The following ATXN7L1 variants were observed in gnomAD, a reference collection of about 807,000 sequenced individuals.
ATXN7L1 encodes the protein ataxin 7 like 1, also known as ataxin-7-like protein 1.
ATXN7L1 carries 15 observed loss-of-function variants against 70.8 expected under a neutral mutation model. The observed-to-expected ratio is 0.21, with a 90% CI of 0.14 to 0.33. The LOEUF is 0.33. Ranked by LOEUF, ATXN7L1 falls within the 10% of genes least tolerant of loss-of-function variation. The probability of loss-of-function intolerance (pLI) is 1.00; values close to 1 mark genes in which losing one functional copy is unlikely to be tolerated. For missense variants in ATXN7L1, 975 were observed against 1,097.1 expected (o/e 0.89, Z 1.57); for synonymous variants, 440 against 445.1 (o/e 0.99, Z 0.14).
chr7:105,761,082 A>G (rs1368068058), intron 3 of ATXN7L1: 2 of 894,336 alleles, frequency 2.2e-6, no homozygotes, highest in African/African-American at 3.5e-5. Context: ...CAAGAGTGGA[A>G]GCAGGAACAG....
chr7:105,804,375 T>A (rs1319764771), intron 2 of ATXN7L1, among the ~76,000 whole-genome samples: 1 of 152,176 alleles, frequency 6.6e-6, no homozygotes, highest in African/African-American at 2.4e-5. Context: ...AGAGCCAGCA[T>A]AACCCACCCT....
At chr7:105,850,003 C>T (rs545694863) in intron 2 of ATXN7L1, among the ~76,000 whole-genome samples, 1 of 152,322 alleles carries the variant, frequency 6.6e-6, no homozygotes, top group African/African-American at 2.4e-5. Flanking sequence ...GCACTCACCC[C>T]CACTTCCATT....
intron 3 of ATXN7L1, among the ~76,000 whole-genome samples, chr7:105,739,815 T>C (rs1296270712): frequency 6.6e-6 from 1 of 152,192 alleles, no homozygotes; most frequent in African/African-American, 2.4e-5. Context: ...TGGGGATCAG[T>C]CGGCAACATG....
intron 3 of ATXN7L1, among the ~76,000 whole-genome samples, chr7:105,726,360 A>T (rs1278428159): frequency 6.6e-6 from 1 of 152,138 alleles, no homozygotes; most frequent in Non-Finnish European, 1.5e-5. Flanking sequence ...TGTTCACCTT[A>T]TTTTAGGATG....
chr7:105,680,841 G>C (rs1805453946), intron 3 of ATXN7L1, among the ~76,000 whole-genome samples: 1 of 152,206 alleles, frequency 6.6e-6, no homozygotes, highest in South Asian at 2.1e-4. Flanking sequence ...TCTGCAAAGA[G>C]TTTCAGGATG....
At chr7:105,767,239 G>C (rs968382415) in intron 3 of ATXN7L1, among the ~76,000 whole-genome samples, 13 of 152,128 alleles carry the variant, frequency 8.5e-5, no homozygotes, top group African/African-American at 3.1e-4. Context: ...TGGGGACACA[G>C]AAGCCCCCAA....
chr7:105,721,907 T>A (rs555543633), intron 3 of ATXN7L1, among the ~76,000 whole-genome samples: 41 of 152,352 alleles, frequency 2.7e-4, no homozygotes, highest in Admixed American at 1.1e-3. Context: ...CTAATTGAAA[T>A]ACAATGGGGT....
At chr7:105,807,796 G>A (rs1471851175) in intron 2 of ATXN7L1, among the ~76,000 whole-genome samples, 1 of 152,202 alleles carries the variant, frequency 6.6e-6, no homozygotes, top group African/African-American at 2.4e-5. Flanking sequence ...ACAGGTGAGG[G>A]AGGGCCTCTT....
intron 2 of ATXN7L1, among the ~76,000 whole-genome samples, chr7:105,793,226 G>C (rs1805511359): frequency 6.6e-6 from 1 of 152,336 alleles, no homozygotes; most frequent in East Asian, 1.9e-4. Flanking sequence ...CACTGGCCTG[G>C]GGTCAGAAGG....
At chr7:105,671,322 T>G (rs1045323721) in intron 3 of ATXN7L1, among the ~76,000 whole-genome samples, 1 of 151,990 alleles carries the variant, frequency 6.6e-6, no homozygotes, top group Non-Finnish European at 1.5e-5. Flanking sequence ...GATTCAGAAT[T>G]ATTTCCTTGA....
intron 3 of ATXN7L1, among the ~76,000 whole-genome samples, chr7:105,679,646 G>T (rs1035630920): frequency 4.5e-4 from 69 of 152,246 alleles, no homozygotes; most frequent in African/African-American, 1.5e-3. Flanking sequence ...CTTGGCCAAG[G>T]ACAGTAGATT....
chr7:105,616,677 T>C (rs1793943608), intron 9 of ATXN7L1, among the ~76,000 whole-genome samples: 1 of 152,194 alleles, frequency 6.6e-6, no homozygotes, highest in South Asian at 2.1e-4. Flanking sequence ...CATACCCATA[T>C]TGTCAGGAAC....
At chr7:105,754,128 G>C (rs1326864846) in intron 3 of ATXN7L1, among the ~76,000 whole-genome samples, 1 of 152,224 alleles carries the variant, frequency 6.6e-6, no homozygotes, top group Non-Finnish European at 1.5e-5. Flanking sequence ...ATAGACTGCG[G>C]TAAGAGCTCT....
chr7:105,607,543 A>G lies in ATXN7L1; in HGVS notation c.*309T>C. The G allele has an allele frequency of 2.4e-6, 1 of 424,136 alleles. No individual in the cohort carries two copies. The highest frequency in any genetic ancestry group is 3.1e-5 in the South Asian group (1 of 31,866). The allele number at this position is 424,136 out of a possible 1,614,324, so 26.3% of individuals were successfully genotyped here. ...CTCATGGCTGGAGCAAAAGGATGGT[A>G]CAGTAGCAGCATCAGGAGCTAGGGG... On this transcript the variant is annotated 3_prime_UTR_variant, in exon 12 of 12. Coordinates refer to ENST00000419735, the MANE Select transcript of ATXN7L1 (RefSeq NM_020725.2).
chr7:105,686,434 T>C (rs1302780415), intron 3 of ATXN7L1, among the ~76,000 whole-genome samples: 1 of 152,184 alleles, frequency 6.6e-6, no homozygotes, highest in Non-Finnish European at 1.5e-5. Context: ...GAGAATCCCT[T>C]GAACCCAGGA....
At chr7:105,663,332 G>T (rs1402832196) in intron 4 of ATXN7L1, among the ~76,000 whole-genome samples, 1 of 152,164 alleles carries the variant, frequency 6.6e-6, no homozygotes, top group African/African-American at 2.4e-5. Context: ...CCACAGCCAT[G>T]CCTACACCTT....
intron 2 of ATXN7L1, among the ~76,000 whole-genome samples, chr7:105,862,089 C>A (rs1200327477): frequency 1.3e-5 from 2 of 152,170 alleles, no homozygotes; most frequent in African/African-American, 4.8e-5. Context: ...GGGGACTTGG[C>A]TAACAGGGCT....
intron 7 of ATXN7L1, among the ~76,000 whole-genome samples, chr7:105,631,880 A>G (rs770409861): frequency 1.3e-5 from 2 of 152,258 alleles, no homozygotes; most frequent in Non-Finnish European, 2.9e-5. Context: ...AGTGAGGCAC[A>G]GGGCTGGACA....
At chr7:105,717,853 C>A (rs1423093094) in intron 3 of ATXN7L1, among the ~76,000 whole-genome samples, 3 of 152,136 alleles carry the variant, frequency 2.0e-5, no homozygotes, top group African/African-American at 7.2e-5. Flanking sequence ...TCAATGTTTT[C>A]ACTTGAGTTT....
Sources: allele counts gnomAD v4.1 joint callset (sites outside exome capture counted in the v4.1 genomes callset), GRCh38; gene constraint gnomAD v4.1.1; transcripts MANE v1.5; gene names NCBI Gene and HGNC (gene_info 2026-07-23, HGNC 2026-07-21).